Variants in PCDHA4 observed in about 807,000 individuals in gnomAD.
The protein encoded by PCDHA4 is protocadherin alpha-4.
A neutral mutation model predicts 61.4 loss-of-function variants in PCDHA4; 49 were observed. That is an observed-to-expected ratio of 0.80 (90% CI 0.63 to 1.01). The LOEUF is 1.01. Among genes scored for constraint, PCDHA4 ranks in the 50% least tolerant of loss-of-function variants. The probability of loss-of-function intolerance (pLI) is 0.00; values close to 1 mark genes in which losing one functional copy is unlikely to be tolerated. For missense variants in PCDHA4, 1,254 were observed against 1,235.8 expected, an observed-to-expected ratio of 1.01 and a Z score of -0.22; for synonymous variants, 590 against 550.3, an observed-to-expected ratio of 1.07 and a Z score of -1.01.
At chr5:140,830,567 G>C (rs1771136580) in intron 1 of PCDHA4, 1 of 950,998 alleles carries the variant, frequency 1.1e-6, no homozygotes, top group South Asian at 3.4e-5. Flanking sequence ...CTATATTTCT[G>C]TTTTTAATTT....
At chr5:140,875,997 T>A (rs1441666431) in intron 1 of PCDHA4, 1 of 1,613,924 alleles carries the variant, frequency 6.2e-7, no homozygotes, top group East Asian at 2.2e-5. Flanking sequence ...TAAGTCTAAA[T>A]GAGAATTTTG....
chr5:140,882,169 C>A, intron 1 of PCDHA4: 1 of 1,511,484 alleles, frequency 6.6e-7, no homozygotes, highest in Non-Finnish European at 8.8e-7. Flanking sequence ...TCTTGCGAAT[C>A]CTTCCGCACT....
At position 140,853,772 on chromosome 5, in the gene PCDHA4, T is replaced by C. The variant is rs1315934965; in HGVS notation, c.2385+44200T>C. 8 of 988,006 alleles carry C rather than the reference T, an allele frequency of 8.1e-6. No homozygotes were observed. The African/African-American group carries it at 1.4e-4, about 17-fold the overall frequency. 61.2% of individuals were successfully genotyped at this position (988,006 alleles called of 1,614,324 possible). On this transcript the variant is annotated intron_variant, in intron 1 of 3. Coordinates refer to ENST00000530339, the MANE Select transcript of PCDHA4 (RefSeq NM_018907.4). Reference sequence around the variant, plus strand: ...AGGCTCCACCTCAGAAATTCTGAAATGGGTAGTAAGAGCAAATTTTCATTT... The same window carrying C: ...AGGCTCCACCTCAGAAATTCTGAAACGGGTAGTAAGAGCAAATTTTCATTT...
At chr5:140,870,135 T>C (rs781798788) in intron 1 of PCDHA4, 1 of 1,614,000 alleles carries the variant, frequency 6.2e-7, no homozygotes, top group Non-Finnish European at 8.5e-7. Context: ...ACACCAACGA[T>C]AACTCTCCTG....
intron 1 of PCDHA4, among the ~76,000 whole-genome samples, chr5:140,874,303 C>T (rs1299985366): frequency 6.6e-6 from 1 of 152,088 alleles, no homozygotes. Flanking sequence ...TACTTGTTCA[C>T]AATGAGTTGT....
chr5:140,998,393 C>A (rs1178528705), intron 3 of PCDHA4, among the ~76,000 whole-genome samples: 12 of 152,288 alleles, frequency 7.9e-5, no homozygotes, highest in African/African-American at 2.4e-4. Flanking sequence ...TTAATGCCAT[C>A]TTTATGCCAA....
chr5:140,935,952 G>C (rs1554210758), intron 1 of PCDHA4, among the ~76,000 whole-genome samples: 3 of 148,522 alleles, frequency 2.0e-5, no homozygotes, highest in Non-Finnish European at 4.4e-5. Flanking sequence ...GAGTAAAGTG[G>C]TACAATCTTG....
Position 141,010,240 on chromosome 5 carries a change from G to A in PCDHA4, c.*303G>A. The A allele has an allele frequency of 6.4e-7, 1 of 1,551,928 alleles. No homozygotes were observed. The highest frequency in any genetic ancestry group is 8.7e-7 in the Non-Finnish European group (1 of 1,147,042). ...GGCTTCCCAGCCCCGCCAGTGAGAGGTTGGACTCTCTGCCCTGTGCTCCGG... is the reference window on the plus strand; with the variant it reads ...GGCTTCCCAGCCCCGCCAGTGAGAGATTGGACTCTCTGCCCTGTGCTCCGG... On this transcript the variant is annotated 3_prime_UTR_variant, in exon 4 of 4. Coordinates refer to ENST00000530339, the MANE Select transcript of PCDHA4 (RefSeq NM_018907.4).
chr5:140,945,183 A>G (rs1445694327), intron 1 of PCDHA4, among the ~76,000 whole-genome samples: 6 of 152,160 alleles, frequency 3.9e-5, no homozygotes, highest in Admixed American at 2.6e-4. Context: ...TAAATCAAGA[A>G]AACCATGCTA....
chr5:140,899,931 C>G (rs1163496997), intron 1 of PCDHA4, among the ~76,000 whole-genome samples: 1 of 152,112 alleles, frequency 6.6e-6, no homozygotes, highest in African/African-American at 2.4e-5. Context: ...CCTCAGCCTC[C>G]TGAATAGCTG....
chr5:140,821,197 A>G (rs1554128037), intron 1 of PCDHA4, among the ~76,000 whole-genome samples: 1 of 152,198 alleles, frequency 6.6e-6, no homozygotes, highest in Non-Finnish European at 1.5e-5. Flanking sequence ...AAAAAACTCA[A>G]AAGTTTTAAT....
At chr5:140,889,159 A>G (rs1392016642) in intron 1 of PCDHA4, among the ~76,000 whole-genome samples, 1 of 151,652 alleles carries the variant, frequency 6.6e-6, no homozygotes, top group Non-Finnish European at 1.5e-5. Context: ...CTTCTTTGTT[A>G]AGTATTCAAG....
At chr5:141,005,650 C>T (rs1262025643) in intron 3 of PCDHA4, among the ~76,000 whole-genome samples, 4 of 126,784 alleles carry the variant, frequency 3.2e-5, no homozygotes, top group African/African-American at 9.3e-5. Context: ...TGCAGTGAGT[C>T]GAGATCGCGC....
At chr5:140,941,331 T>G (rs1277354289) in intron 1 of PCDHA4, among the ~76,000 whole-genome samples, 1 of 148,120 alleles carries the variant, frequency 6.8e-6, no homozygotes. Context: ...TTTTTTTTTT[T>G]TTTCAGATGG....
At position 140,856,827 on chromosome 5, in the gene PCDHA4, T is replaced by C. The variant is rs1201833720; in HGVS notation, c.2385+47255T>C. 4.4e-6 allele frequency: 7 copies of C among 1,592,096 alleles called. 1 individual carries two copies. The African/African-American group carries it at 5.4e-5, about 12-fold the overall frequency. ...GAAAATCAAGTGAACCAAACATTAG[T>C]AATACGGCTCAACGCTTCTGATTCG... is the stretch of plus-strand genomic sequence containing the variant. On this transcript the variant is annotated intron_variant, in intron 1 of 3. Transcript: ENST00000530339.
chr5:140,855,277 C>T (rs1581364290), intron 1 of PCDHA4, among the ~76,000 whole-genome samples: 2 of 149,744 alleles, frequency 1.3e-5, no homozygotes, highest in Middle Eastern at 3.4e-3. Context: ...ACTCAACCAC[C>T]GTATTACTAT....
Position 140,842,658 on chromosome 5 carries a change from C to G in PCDHA4, c.2385+33086C>G, listed in dbSNP as rs2150341323. 21 of 1,595,206 alleles carry G rather than the reference C, an allele frequency of 1.3e-5. 2 individuals are homozygous for G. The highest frequency in any genetic ancestry group is 2.7e-5 in the African/African-American group (2 of 74,162). On this transcript the variant is annotated intron_variant, in intron 1 of 3. Transcript: ENST00000530339. ...ACCGCCAGCTTGTCTGTGGAGGTGG[C>G]CGACGTGAACGACAATGCTCCGGCG...
chr5:140,823,212 G>A (rs1282468969), intron 1 of PCDHA4: 1 of 1,613,666 alleles, frequency 6.2e-7, no homozygotes, highest in African/African-American at 1.3e-5. Context: ...TGTCTGCACG[G>A]GACGCGGACG....
chr5:140,850,106 G>A lies in PCDHA4; in HGVS notation c.2385+40534G>A, dbSNP rs2150467412. 3.5e-5 allele frequency: 56 copies of A among 1,596,106 alleles called. 1 individual carries two copies. Among genetic ancestry groups the A allele is most frequent in the African/African-American group, 4.0e-5 (3 of 74,354 alleles). ...AGCTGCTACAGTTCCAGGTGAGCGC[G>A]CGCGACGCGGGCGTGCCGCCTCTGG... is the stretch of plus-strand genomic sequence containing the variant. On this transcript the variant is annotated intron_variant, in intron 1 of 3. Transcript: ENST00000530339.
Sources: allele counts gnomAD v4.1 joint callset (sites outside exome capture counted in the v4.1 genomes callset), GRCh38; gene constraint gnomAD v4.1.1; transcripts MANE v1.5; gene names NCBI Gene and HGNC (gene_info 2026-07-23, HGNC 2026-07-21).